Variants in ABCA13 observed in about 807,000 individuals in gnomAD.
ABCA13 encodes ATP-binding cassette sub-family A member 13.
A neutral mutation model predicts 478.7 loss-of-function variants in ABCA13; 476 were observed. The observed-to-expected ratio is 0.99, with a 90% CI of 0.92 to 1.07. ABCA13 has a LOEUF of 1.07. ABCA13 is among the 50% of genes least tolerant of loss of function. ABCA13 has a pLI of 0.00. For synonymous variants in ABCA13, 2,252 were observed against 2,158.9 expected (o/e 1.04, Z -1.20); for missense variants, 6,060 against 5,910.6 (o/e 1.03, Z -0.83).
chr7:48,269,663 C>T (rs868590307), intron 16 of ABCA13, among the ~76,000 whole-genome samples: 12 of 152,260 alleles, frequency 7.9e-5, no homozygotes, highest in South Asian at 4.1e-4. Context: ...AGAGCAGTAA[C>T]GCTCAAACTT....
At chr7:48,581,185 G>A (rs1043928252) in intron 56 of ABCA13, among the ~76,000 whole-genome samples, 3 of 152,252 alleles carry the variant, frequency 2.0e-5, no homozygotes, top group South Asian at 4.2e-4. Flanking sequence ...TATATTATGC[G>A]TTTGCAATTA....
chr7:48,570,576 G>T (rs773736976), intron 55 of ABCA13, among the ~76,000 whole-genome samples: 3 of 151,768 alleles, frequency 2.0e-5, no homozygotes, highest in African/African-American at 4.8e-5. Context: ...ACCCGCCTCG[G>T]CCTCCCAAAG....
At position 48,275,502 on chromosome 7, in the gene ABCA13, G is replaced by A; in HGVS notation, c.5836G>A (p.Gly1946Ser). 6.2e-7 allele frequency: 1 copy of A among 1,613,794 alleles called. No homozygotes were observed. Among genetic ancestry groups the A allele is most frequent in the Non-Finnish European group, 8.5e-7 (1 of 1,179,826 alleles). ...TAGCATCTCTGAACTCTGTCCTAGT[G>A]GTTCCATAAAGCAAGTTGCTTTGCA... is the stretch of plus-strand genomic sequence containing the variant. ...RDSISELCPS[G>S]SIKQVALQII... The change falls in exon 17 of 62, where the codon GGT becomes AGT. Residue 1946 changes from glycine (G) to serine (S), a missense_variant. Gly to Ser is a moderately conservative substitution (Grantham distance 56). Transcript: ENST00000435803.
At chr7:48,375,634 A>G (rs1813358886) in intron 34 of ABCA13, among the ~76,000 whole-genome samples, 1 of 151,976 alleles carries the variant, frequency 6.6e-6, no homozygotes, top group East Asian at 1.9e-4. Flanking sequence ...GTGTTTTTGT[A>G]AACAGAGGTA....
intron 58 of ABCA13, among the ~76,000 whole-genome samples, chr7:48,601,885 T>C (rs981719863): frequency 6.6e-6 from 1 of 152,200 alleles, no homozygotes; most frequent in African/African-American, 2.4e-5. Context: ...CCAGCATCTG[T>C]TGTTTTCTGA....
At chr7:48,503,401 T>C (rs1441988143) in intron 48 of ABCA13, among the ~76,000 whole-genome samples, 1 of 152,212 alleles carries the variant, frequency 6.6e-6, no homozygotes, top group Non-Finnish European at 1.5e-5. Flanking sequence ...TTATTTATCT[T>C]ATGTCTGGAA....
At chr7:48,586,087 G>A (rs1054092769) in intron 56 of ABCA13, among the ~76,000 whole-genome samples, 1 of 152,156 alleles carries the variant, frequency 6.6e-6, no homozygotes, top group Admixed American at 6.5e-5. Flanking sequence ...TATGGGCTGG[G>A]CCTTCTAGGA....
chr7:48,483,999 G>C (rs1046629011), intron 47 of ABCA13, among the ~76,000 whole-genome samples: 17 of 152,170 alleles, frequency 1.1e-4, no homozygotes, highest in African/African-American at 4.1e-4. Context: ...CTACTCATGA[G>C]CCAATTGTGG....
chr7:48,331,780 G>T (rs1386944270), intron 27 of ABCA13, among the ~76,000 whole-genome samples: 1 of 152,034 alleles, frequency 6.6e-6, no homozygotes, highest in Non-Finnish European at 1.5e-5. Flanking sequence ...TTAGTTTTAT[G>T]CAGGCTTAGC....
At chr7:48,635,686 A>G (rs1031240395) in intron 59 of ABCA13, among the ~76,000 whole-genome samples, 5 of 152,188 alleles carry the variant, frequency 3.3e-5, no homozygotes, top group African/African-American at 1.2e-4. Flanking sequence ...GCTCACTTAC[A>G]GAGAGCTAAG....
intron 20 of ABCA13, among the ~76,000 whole-genome samples, chr7:48,291,089 T>C (rs1798471228): frequency 6.6e-6 from 1 of 152,150 alleles, no homozygotes; most frequent in Non-Finnish European, 1.5e-5. Context: ...TTGCAGATGC[T>C]CTTCCTGAGT....
At chr7:48,210,907 T>C (rs987026125) in intron 3 of ABCA13, among the ~76,000 whole-genome samples, 1 of 152,200 alleles carries the variant, frequency 6.6e-6, no homozygotes, top group Non-Finnish European at 1.5e-5. Context: ...CTTTTCTGTT[T>C]AAATGATCTG....
Position 48,294,726 on chromosome 7 carries a change from G to A in ABCA13, c.8956-974G>A, listed in dbSNP as rs185379420. Among the ~76,000 whole-genome samples, 494 of 152,194 alleles carry A rather than the reference G, an allele frequency of 3.2e-3. 1 individual carries two copies. The highest frequency in any genetic ancestry group is 0.01 in the African/African-American group (418 of 41,534). On this transcript the variant is annotated intron_variant, in intron 20 of 61. Transcript: ENST00000435803. ...CTCCCAAAGTGCTGGGATTACAGGC[G>A]TGAGCCACCGCGCCCGGCCCGTTTC...
At chr7:48,333,645 G>C (rs1805761726) in intron 27 of ABCA13, among the ~76,000 whole-genome samples, 1 of 152,146 alleles carries the variant, frequency 6.6e-6, no homozygotes, top group South Asian at 2.1e-4. Flanking sequence ...GTGTGCTGTG[G>C]TTCCAATAAG....
At position 48,219,339 on chromosome 7, in the gene ABCA13, T is replaced by G; in HGVS notation, c.288-15T>G. On this transcript the variant is annotated splice_polypyrimidine_tract_variant and intron_variant, in intron 3 of 61. Transcript: ENST00000435803. Reference sequence around the variant, plus strand: ...TGTTAAAGAGTTTCACTTGCAGTATTTATTCTGTTTAAAGTTTGTCTAGGT... The same window carrying G: ...TGTTAAAGAGTTTCACTTGCAGTATGTATTCTGTTTAAAGTTTGTCTAGGT... 6.3e-7 allele frequency: 1 copy of G among 1,592,774 alleles called. No individual in the cohort carries two copies. The highest frequency in any genetic ancestry group is 1.4e-5 in the African/African-American group (1 of 73,298).
intron 2 of ABCA13, among the ~76,000 whole-genome samples, chr7:48,197,508 C>G (rs539348735): frequency 2.0e-5 from 3 of 151,962 alleles, no homozygotes; most frequent in Admixed American, 2.0e-4. Context: ...GCTGCAGCAG[C>G]CTGAAGAGCA....
At chr7:48,266,739 A>G (rs976818992) in intron 15 of ABCA13, among the ~76,000 whole-genome samples, 1 of 151,806 alleles carries the variant, frequency 6.6e-6, no homozygotes, top group Non-Finnish European at 1.5e-5. Context: ...GTTTTGGTTT[A>G]ACTGACTCTT....
intron 18 of ABCA13, among the ~76,000 whole-genome samples, chr7:48,281,114 C>A (rs1231066555): frequency 6.6e-6 from 1 of 152,156 alleles, no homozygotes; most frequent in East Asian, 1.9e-4. Context: ...AAGTATTAAG[C>A]TTATTGGCCA....
chr7:48,219,641 A>G (rs1039853246), intron 4 of ABCA13, 136 bp downstream of exon 4: 204 of 1,175,398 alleles, frequency 1.7e-4, no homozygotes, highest in Non-Finnish European at 3.7e-5. Context: ...TCTTTGATGG[A>G]TGAGGCCAGC....
Sources: allele counts gnomAD v4.1 joint callset (sites outside exome capture counted in the v4.1 genomes callset), GRCh38; gene constraint gnomAD v4.1.1; transcripts MANE v1.5; gene names NCBI Gene and HGNC (gene_info 2026-07-23, HGNC 2026-07-21).